Variants in PLXNA2 observed in about 807,000 individuals in gnomAD.
The protein encoded by PLXNA2 is plexin A2.
Under a neutral mutation model 193.5 loss-of-function variants are expected in PLXNA2, and 91 were observed. The ratio of observed to expected loss-of-function variants is 0.47; its 90% CI spans 0.40 to 0.56. The LOEUF is 0.56. Among genes scored for constraint, PLXNA2 ranks in the 20% least tolerant of loss-of-function variants. PLXNA2 has a pLI of 0.00. For missense variants in PLXNA2, 1,995 were observed against 2,503.2 expected (o/e 0.80, Z 4.33); for synonymous variants, 997 against 1,027.3 (o/e 0.97, Z 0.56).
chr1:208,188,896 C>T (rs1350250095), intron 3 of PLXNA2, among the ~76,000 whole-genome samples: 1 of 152,136 alleles, frequency 6.6e-6, no homozygotes, highest in African/African-American at 2.4e-5. Context: ...GGAAGCTCCT[C>T]TTCTTCTGTA....
At chr1:208,116,903 G>A (rs1372931422) in intron 4 of PLXNA2, among the ~76,000 whole-genome samples, 1 of 152,208 alleles carries the variant, frequency 6.6e-6, no homozygotes, top group Non-Finnish European at 1.5e-5. Flanking sequence ...CAGGCAAGGT[G>A]CTTATGCCTG....
At chr1:208,091,007 C>T (rs78946039) in intron 9 of PLXNA2, among the ~76,000 whole-genome samples, 1,668 of 152,308 alleles carry the variant, frequency 0.011, 29 homozygotes, top group African/African-American at 0.038. Flanking sequence ...CATACTGTTG[C>T]AGAATTCCAG....
At chr1:208,206,617 T>TCTC (rs1670734557) in intron 3 of PLXNA2, among the ~76,000 whole-genome samples, 2 of 152,238 alleles carry the variant, frequency 1.3e-5, no homozygotes, top group African/African-American at 4.8e-5. Context: ...CAGACCCTGG[T>TCTC]AATCTTCCTT....
At chr1:208,218,154 C>G in intron 1 of PLXNA2, 152 bp from the exon 2 acceptor site, 1 of 640,356 alleles carries the variant, frequency 1.6e-6, no homozygotes, top group Non-Finnish European at 2.7e-6. Context: ...CTTTCTCCCT[C>G]TTAGGAATGT....
chr1:208,050,310 T>C (rs1452106250), intron 17 of PLXNA2, among the ~76,000 whole-genome samples: 2 of 152,232 alleles, frequency 1.3e-5, no homozygotes, highest in Non-Finnish European at 2.9e-5. Context: ...GACTTGACCA[T>C]GCTTGTACAG....
In PLXNA2 at chr1:208,244,320, G is replaced by A; in HGVS notation, c.-758C>T. ...CTCCCGCGGTGGCGGCGGCGGCGGC[G>A]GCGGCGGCGGCGGCGGAGGAGCCCT... is the stretch of plus-strand genomic sequence containing the variant. On this transcript the variant is annotated 5_prime_UTR_variant, in exon 1 of 32. Coordinates refer to ENST00000367033, the MANE Select transcript of PLXNA2 (RefSeq NM_025179.4). 1 of 203,728 alleles carries A rather than the reference G, an allele frequency of 4.9e-6. No individual in the cohort carries two copies. The allele number at this position is 203,728 out of a possible 1,614,324, so 12.6% of individuals were successfully genotyped here.
chr1:208,051,066 C>A lies in PLXNA2; in HGVS notation c.3198G>T (p.Leu1066=). 6.2e-7 allele frequency: 1 copy of A among 1,614,124 alleles called. No homozygotes were observed. The highest frequency in any genetic ancestry group is 8.5e-7 in the Non-Finnish European group (1 of 1,180,004). Residue 1066 remains leucine (L), a synonymous_variant, in exon 17 of 32, where the codon CTG becomes CTT. Transcript: ENST00000367033. ...HTPLTITGFN[L]DVIQEPRIRV... ...GGATCCTTGGCTCCTGAATGACATC[C>A]AGGTTGAAGCCTGTGATGGTCAGGG...
At chr1:208,091,267 T>A (rs937193210) in intron 9 of PLXNA2, among the ~76,000 whole-genome samples, 1 of 152,214 alleles carries the variant, frequency 6.6e-6, no homozygotes, top group East Asian at 1.9e-4. Flanking sequence ...TGTTGTTTCA[T>A]AAACTAAGAA....
At chr1:208,169,346 G>A (rs1231816865) in intron 3 of PLXNA2, among the ~76,000 whole-genome samples, 8 of 152,120 alleles carry the variant, frequency 5.3e-5, no homozygotes, top group South Asian at 2.1e-4. Context: ...GAGTTCGGAC[G>A]GGTCACACAT....
At chr1:208,056,286 A>G (rs1375685067) in intron 13 of PLXNA2, among the ~76,000 whole-genome samples, 1 of 152,228 alleles carries the variant, frequency 6.6e-6, no homozygotes, top group African/African-American at 2.4e-5. Flanking sequence ...AACAGGAGGG[A>G]GTAGGTAAGT....
intron 12 of PLXNA2, among the ~76,000 whole-genome samples, chr1:208,067,574 T>G (rs1378168240): frequency 6.6e-6 from 1 of 152,078 alleles, no homozygotes; most frequent in Non-Finnish European, 1.5e-5. Context: ...GCGTACCATT[T>G]TTAATCTTTT....
chr1:208,069,565 C>A (rs1483383010), intron 12 of PLXNA2, among the ~76,000 whole-genome samples: 1 of 152,146 alleles, frequency 6.6e-6, no homozygotes, highest in Admixed American at 6.5e-5. Context: ...ACTGGGGAGG[C>A]GCTGGAAGGC....
chr1:208,036,154 G>C (rs910347301), intron 26 of PLXNA2, among the ~76,000 whole-genome samples: 7 of 152,170 alleles, frequency 4.6e-5, no homozygotes, highest in African/African-American at 1.7e-4. Context: ...GACTGGGAGG[G>C]GGGCAGTCTC....
At chr1:208,040,748 A>G (rs986409770) in intron 22 of PLXNA2, among the ~76,000 whole-genome samples, 2 of 152,232 alleles carry the variant, frequency 1.3e-5, no homozygotes, top group Non-Finnish European at 2.9e-5. Flanking sequence ...ATTAGCTGTC[A>G]TTATTGCTGT....
chr1:208,176,422 A>AT (rs1318000320), intron 3 of PLXNA2, among the ~76,000 whole-genome samples: 3 of 152,158 alleles, frequency 2.0e-5, no homozygotes, highest in African/African-American at 4.8e-5. Flanking sequence ...ATTGCTACAG[A>AT]TTTTTTCTTG....
chr1:208,083,571 C>T (rs1571897190), intron 10 of PLXNA2, among the ~76,000 whole-genome samples: 1 of 152,064 alleles, frequency 6.6e-6, no homozygotes, highest in Non-Finnish European at 1.5e-5. Context: ...GGGAATCTGA[C>T]AGCTCCCTGA....
At chr1:208,179,147 G>A (rs1394671931) in intron 3 of PLXNA2, among the ~76,000 whole-genome samples, 2 of 152,156 alleles carry the variant, frequency 1.3e-5, no homozygotes, top group South Asian at 2.1e-4. Context: ...GGAGAGAGGC[G>A]GGGAGGCTGC....
intron 29 of PLXNA2, chr1:208,030,485 C>A (rs1193239190): frequency 2.0e-6 from 2 of 983,084 alleles, no homozygotes; most frequent in Non-Finnish European, 1.2e-6. Flanking sequence ...CCTGTCCTGG[C>A]AAAGTGGACT....
chr1:208,183,615 GT>G (rs1168603389), intron 3 of PLXNA2, among the ~76,000 whole-genome samples: 5 of 90,376 alleles, frequency 5.5e-5, no homozygotes, highest in South Asian at 4.4e-4. Context: ...AGAGGGGGGG[GT>G]CTTTGGGGGT....
Sources: allele counts gnomAD v4.1 joint callset (sites outside exome capture counted in the v4.1 genomes callset), GRCh38; gene constraint gnomAD v4.1.1; transcripts MANE v1.5; gene names NCBI Gene and HGNC (gene_info 2026-07-23, HGNC 2026-07-21).